Variants in TRIM22 observed in about 807,000 individuals in gnomAD.
TRIM22 encodes the protein tripartite motif containing 22.
A neutral mutation model predicts 53.6 loss-of-function variants in TRIM22; 45 were observed. The observed-to-expected ratio is 0.84, with a 90% CI of 0.66 to 1.08. The LOEUF is 1.08. Ranked by LOEUF, TRIM22 falls within the 50% of genes least tolerant of loss-of-function variation. The pLI, the probability that TRIM22 is intolerant of heterozygous loss-of-function variation, is 0.00. For synonymous variants in TRIM22, 225 were observed against 216.6 expected, an observed-to-expected ratio of 1.04 and a Z score of -0.34; for missense variants, 616 against 590.9, an observed-to-expected ratio of 1.04 and a Z score of -0.44.
At chr11:5,695,246 C>T (rs978384421) in intron 1 of TRIM22, among the ~76,000 whole-genome samples, 1 of 152,102 alleles carries the variant, frequency 6.6e-6, no homozygotes, top group Admixed American at 6.5e-5. Context: ...GTATGTCCTT[C>T]TAAGAAGAGG....
chr11:5,699,025 T>C (rs144562282), intron 4 of TRIM22, among the ~76,000 whole-genome samples: 57 of 152,360 alleles, frequency 3.7e-4, no homozygotes, highest in African/African-American at 1.3e-3. Flanking sequence ...GGTTTATTTA[T>C]ATTGCAGTAT....
At chr11:5,697,169 C>A in intron 2 of TRIM22, 79 bp from the exon 3 acceptor site, 1 of 1,094,846 alleles carries the variant, frequency 9.1e-7, no homozygotes, top group Non-Finnish European at 1.3e-6. Context: ...TGAGAGCCAT[C>A]CAATTTCTTC....
intron 3 of TRIM22, 91 bp downstream of exon 3, chr11:5,697,434 T>A: frequency 1.1e-6 from 1 of 878,186 alleles, no homozygotes; most frequent in Non-Finnish European, 1.7e-6. Context: ...CTCTTTGCTG[T>A]GCTAGAATTA....
chr11:5,693,148 A>G (rs1026294059), intron 1 of TRIM22, among the ~76,000 whole-genome samples: 2 of 149,974 alleles, frequency 1.3e-5, no homozygotes, highest in South Asian at 2.1e-4. Flanking sequence ...CGGCCCCCCA[A>G]ACTGCTGGGA....
chr11:5,704,268 T>C (rs1260047899), intron 4 of TRIM22, among the ~76,000 whole-genome samples: 1 of 152,134 alleles, frequency 6.6e-6, no homozygotes, highest in Non-Finnish European at 1.5e-5. Flanking sequence ...TTTTTCTTTA[T>C]TGCACTTGAT....
chr11:5,705,883 A>C (rs1564943403), intron 4 of TRIM22, among the ~76,000 whole-genome samples: 1 of 152,120 alleles, frequency 6.6e-6, no homozygotes. Context: ...TTTCATACTG[A>C]AAAATGTATG....
chr11:5,699,724 CTTTTTT>C (rs71053299), intron 4 of TRIM22, among the ~76,000 whole-genome samples: 1 of 134,528 alleles, frequency 7.4e-6, no homozygotes, highest in African/African-American at 2.7e-5. Context: ...TGATTATTTC[CTTTTTT>C]TTTTTTTTTT....
In TRIM22 at chr11:5,693,446, C is replaced by T. The variant is rs1025800516; in HGVS notation, c.-66-2721C>T. Among the ~76,000 whole-genome samples the T allele has an allele frequency of 3.3e-5, 5 of 151,826 alleles. No individual in the cohort carries two copies. The East Asian group carries it at 7.8e-4, about 24-fold the overall frequency. ...TAGAATAAAGAATGAATAGGCCGGGCGCGGTGGCTCACGCCAGTAATCCCA... is the reference window on the plus strand; with the variant it reads ...TAGAATAAAGAATGAATAGGCCGGGTGCGGTGGCTCACGCCAGTAATCCCA... On this transcript the variant is annotated intron_variant, in intron 1 of 7. Coordinates refer to ENST00000379965, the MANE Select transcript of TRIM22 (RefSeq NM_006074.5).
Position 5,708,142 on chromosome 11 carries a change from T to G in TRIM22, c.774-31T>G, listed in dbSNP as rs1321223197. The G allele has an allele frequency of 2.0e-6, 3 of 1,527,570 alleles. No homozygotes were observed. In the Admixed American group the frequency reaches 5.0e-5, roughly 26 times the overall value. 94.6% of individuals were successfully genotyped at this position (1,527,570 alleles called of 1,614,324 possible). The stretch of plus-strand genomic sequence containing the variant: ...TGGATGGAGAGAAATAGGGCAAAGG[T>G]GTAAAGGTTATCAATTTTTGTTATC... On this transcript the variant is annotated intron_variant, in intron 5 of 7. Transcript: ENST00000379965.
intron 4 of TRIM22, 101 bp from the exon 5 acceptor site, chr11:5,706,492 CA>C (rs1223932455): frequency 1.1e-5 from 11 of 1,035,078 alleles, no homozygotes; most frequent in African/African-American, 1.6e-5. Context: ...ATATATATAA[CA>C]AAAAATATAT....
rs71053298 is a variant in TRIM22 at position 5,699,530 on chromosome 11, C to CAAA, written c.750+1022_750+1024dup. Among the ~76,000 whole-genome samples the CAAA allele has an allele frequency of 3.5e-4, 10 of 28,544 alleles. 3 individuals carry two copies. The highest frequency in any genetic ancestry group is 2.4e-3 in the South Asian group (1 of 422). The allele number at this position is 28,544 out of a possible 152,430, so 18.7% of individuals were successfully genotyped here. A position where few individuals can be genotyped will look rare whatever the true frequency, so the allele number is the denominator to read the frequency against. On this transcript the variant is annotated intron_variant, in intron 4 of 7. Coordinates refer to ENST00000379965, the MANE Select transcript of TRIM22 (RefSeq NM_006074.5). ...TGGGCGACAGAGCGAGACTCCGTCTCAAAAAAAAAAAAAAAAAAAAAAAAA... is the reference window on the plus strand; with the variant it reads ...TGGGCGACAGAGCGAGACTCCGTCTCAAAAAAAAAAAAAAAAAAAAAAAAAAAA...
intron 4 of TRIM22, among the ~76,000 whole-genome samples, chr11:5,701,925 T>C (rs1853378002): frequency 6.6e-6 from 1 of 152,046 alleles, no homozygotes; most frequent in African/African-American, 2.4e-5. Flanking sequence ...CTGTTTTCTA[T>C]TGACCGTACT....
Position 5,699,935 on chromosome 11 carries a change from T to A in TRIM22, c.750+1390T>A, listed in dbSNP as rs139815118. ...ATTTCAAATTTCAATTCTTCATTGC[T>A]GGCACATAGAAAGGAAACTGACTTT... On this transcript the variant is annotated intron_variant, in intron 4 of 7. Transcript: ENST00000379965. Among the ~76,000 whole-genome samples the A allele has an allele frequency of 6.9e-3, 1,046 of 152,144 alleles. 8 individuals are homozygous for A. Among genetic ancestry groups the A allele is most frequent in the South Asian group, 0.027 (129 of 4,822 alleles).
At chr11:5,693,081 C>T (rs1018432830) in intron 1 of TRIM22, among the ~76,000 whole-genome samples, 1 of 151,134 alleles carries the variant, frequency 6.6e-6, no homozygotes, top group Non-Finnish European at 1.5e-5. Context: ...GATACGGGGT[C>T]TCACCATAGT....
chr11:5,706,846 A>G (rs185665705), intron 5 of TRIM22, among the ~76,000 whole-genome samples: 265 of 152,336 alleles, frequency 1.7e-3, no homozygotes, highest in African/African-American at 6.2e-3. Flanking sequence ...AGAGTTTGCA[A>G]TATCAGAACC....
intron 4 of TRIM22, among the ~76,000 whole-genome samples, chr11:5,698,850 C>A (rs1351685913): frequency 6.6e-6 from 1 of 152,210 alleles, no homozygotes; most frequent in Non-Finnish European, 1.5e-5. Context: ...AAAAACATTT[C>A]TCATGCCTGT....
rs1336104277 is a variant in TRIM22 at position 5,693,184 on chromosome 11, G to C, written c.-66-2983G>C. Among the ~76,000 whole-genome samples the C allele has an allele frequency of 2.6e-5, 3 of 113,880 alleles. No individual in the cohort carries two copies. In the East Asian group the frequency reaches 7.6e-4, roughly 29 times the overall value. The allele number at this position is 113,880 out of a possible 152,430, so 74.7% of individuals were successfully genotyped here. A position where few individuals can be genotyped will look rare whatever the true frequency, so the allele number is the denominator to read the frequency against. On this transcript the variant is annotated intron_variant, in intron 1 of 7. Coordinates refer to ENST00000379965, the MANE Select transcript of TRIM22 (RefSeq NM_006074.5). ...TTACAGGCTTGAGCCACAGCGCCTG[G>C]CCATCTTTTTTTTTTTTTTTTTTTT...
At chr11:5,691,335 C>T (rs541459606) in intron 1 of TRIM22, among the ~76,000 whole-genome samples, 9 of 152,126 alleles carry the variant, frequency 5.9e-5, no homozygotes, top group African/African-American at 2.2e-4. Flanking sequence ...GCAGGGGGTA[C>T]GTGACTGGGG....
intron 4 of TRIM22, among the ~76,000 whole-genome samples, chr11:5,703,970 T>C (rs758234691): frequency 6.6e-6 from 1 of 152,150 alleles, no homozygotes; most frequent in Non-Finnish European, 1.5e-5. Flanking sequence ...TCAGAATGGC[T>C]ATTATTATAA....
Sources: allele counts gnomAD v4.1 joint callset (sites outside exome capture counted in the v4.1 genomes callset), GRCh38; gene constraint gnomAD v4.1.1; transcripts MANE v1.5; gene names NCBI Gene and HGNC (gene_info 2026-07-23, HGNC 2026-07-21).